HCRTR2: variants seen among roughly 807,000 people sequenced by gnomAD.
HCRTR2 encodes the protein orexin receptor type 2.
Under a neutral mutation model 49.0 loss-of-function variants are expected in HCRTR2, and 22 were observed. That is an observed-to-expected ratio of 0.45 (90% CI 0.32 to 0.64). The LOEUF (loss-of-function observed/expected upper bound fraction) is 0.64. HCRTR2 is among the 30% of genes least tolerant of loss of function. HCRTR2 has a pLI of 0.04. For synonymous variants in HCRTR2, 236 were observed against 205.3 expected (o/e 1.15, Z -1.28); for missense variants, 491 against 559.4 (o/e 0.88, Z 1.23).
intron 1 of HCRTR2, among the ~76,000 whole-genome samples, chr6:55,237,661 T>C (rs1335647534): frequency 6.6e-6 from 1 of 152,228 alleles, no homozygotes; most frequent in Non-Finnish European, 1.5e-5. Context: ...CTCCAGGATA[T>C]TGGCCTTTGA....
intron 1 of HCRTR2, among the ~76,000 whole-genome samples, chr6:55,247,920 C>T (rs1267055600): frequency 6.6e-6 from 1 of 152,060 alleles, no homozygotes; most frequent in Admixed American, 6.6e-5. Context: ...CCAAAGAAGG[C>T]AACCCATGTG....
intron 1 of HCRTR2, among the ~76,000 whole-genome samples, chr6:55,121,699 T>C (rs1764202155): frequency 6.6e-6 from 1 of 152,166 alleles, no homozygotes; most frequent in Admixed American, 6.6e-5. Flanking sequence ...AAAGGCCTTT[T>C]CTGCGTCTAT....
rs576274780 is a variant in HCRTR2, at chr6:55,208,401, A to C, written c.223+33591A>C. Reference sequence around the variant, plus strand: ...CAGCTACTCGGGAGGCTGAGGTGAGAGAATCACTTGAACCTGGGAGGTGGA... The same window carrying C: ...CAGCTACTCGGGAGGCTGAGGTGAGCGAATCACTTGAACCTGGGAGGTGGA... On this transcript the variant is annotated intron_variant, in intron 1 of 6. Transcript: ENST00000370862. Among the ~76,000 whole-genome samples the C allele has an allele frequency of 7.3e-5, 11 of 151,644 alleles. No homozygotes were observed. In the South Asian group the frequency reaches 2.3e-3, roughly 32 times the overall value.
chr6:55,226,711 G>GTTTTTTTTTTTTTTTTTTTTTTT (rs777871106), intron 1 of HCRTR2, among the ~76,000 whole-genome samples: 3 of 74,256 alleles, frequency 4.0e-5, no homozygotes, highest in Admixed American at 2.0e-4. Context: ...AATTCCAGGT[G>GTTTTTTTTTTTTTTTTTTTTTTT]TTTTTTTTTT....
intron 1 of HCRTR2, among the ~76,000 whole-genome samples, chr6:55,128,828 C>G (rs1209452646): frequency 6.6e-6 from 1 of 152,076 alleles, no homozygotes; most frequent in Non-Finnish European, 1.5e-5. Flanking sequence ...ATTTAATATA[C>G]TGTGGCACAC....
At chr6:55,138,505 C>A (rs921971915) in intron 1 of HCRTR2, among the ~76,000 whole-genome samples, 2 of 152,216 alleles carry the variant, frequency 1.3e-5, no homozygotes. Context: ...TATGCGCATG[C>A]TGCTTGCCAC....
At chr6:55,244,764 G>T (rs942295339) in intron 1 of HCRTR2, among the ~76,000 whole-genome samples, 3 of 151,948 alleles carry the variant, frequency 2.0e-5, no homozygotes, top group Non-Finnish European at 2.9e-5. Flanking sequence ...ACAGATACTA[G>T]GTTTTCTTCC....
intron 1 of HCRTR2, among the ~76,000 whole-genome samples, chr6:55,209,675 G>A (rs549170935): frequency 1.4e-4 from 22 of 152,254 alleles, no homozygotes; most frequent in Admixed American, 6.5e-4. Context: ...AAGAAATGAT[G>A]AAGTTCCTTA....
At chr6:55,274,239 GTATA>G (rs61667408) in intron 4 of HCRTR2, among the ~76,000 whole-genome samples, 4 of 119,500 alleles carry the variant, frequency 3.3e-5, no homozygotes, top group Non-Finnish European at 7.0e-5. Context: ...ATCATTTTCA[GTATA>G]TATATATATA....
intron 1 of HCRTR2, among the ~76,000 whole-genome samples, chr6:55,187,627 C>T (rs962263879): frequency 6.8e-6 from 1 of 146,892 alleles, no homozygotes; most frequent in Non-Finnish European, 1.5e-5. Context: ...AAGTGTTTGT[C>T]ATACCTATTT....
chr6:55,279,248 C>A (rs1767140771), intron 5 of HCRTR2, among the ~76,000 whole-genome samples: 1 of 151,500 alleles, frequency 6.6e-6, no homozygotes, highest in Non-Finnish European at 1.5e-5. Flanking sequence ...TTTGTTTTTT[C>A]TTTCTCCCAC....
At chr6:55,129,241 A>G (rs1764322159) in intron 1 of HCRTR2, among the ~76,000 whole-genome samples, 1 of 152,090 alleles carries the variant, frequency 6.6e-6, no homozygotes, top group South Asian at 2.1e-4. Context: ...TCACTCATGG[A>G]TCAAAATGTT....
At chr6:55,145,213 GTTTTCTT>G (rs1764562746) in intron 1 of HCRTR2, among the ~76,000 whole-genome samples, 1 of 152,098 alleles carries the variant, frequency 6.6e-6, no homozygotes, top group Non-Finnish European at 1.5e-5. Context: ...AATGGTCTTA[GTTTTCTT>G]TTCTCAACTG....
intron 4 of HCRTR2, among the ~76,000 whole-genome samples, chr6:55,268,443 A>T (rs1024846465): frequency 2.0e-5 from 3 of 152,182 alleles, no homozygotes; most frequent in African/African-American, 7.2e-5. Context: ...AATTTAAAAA[A>T]ACCCATGATC....
At chr6:55,128,970 A>G (rs547977168) in intron 1 of HCRTR2, among the ~76,000 whole-genome samples, 1 of 152,236 alleles carries the variant, frequency 6.6e-6, no homozygotes. Context: ...TCTGATACAG[A>G]AGACTTCTCA....
intron 1 of HCRTR2, among the ~76,000 whole-genome samples, chr6:55,192,435 A>AC (rs1765335591): frequency 6.6e-6 from 1 of 151,552 alleles, no homozygotes; most frequent in Non-Finnish European, 1.5e-5. Flanking sequence ...ACACACACAC[A>AC]CACAAATTAG....
intron 3 of HCRTR2, among the ~76,000 whole-genome samples, chr6:55,259,222 TA>T (rs11335998): frequency 0.75 from 110,776 of 148,102 alleles, 41,691 homozygotes; most frequent in South Asian, 0.81. Flanking sequence ...TTTGGTAGGC[TA>T]AAAAAAAAAA....
At chr6:55,161,595 T>A (rs1285895699) in intron 1 of HCRTR2, among the ~76,000 whole-genome samples, 3 of 150,562 alleles carry the variant, frequency 2.0e-5, no homozygotes, top group African/African-American at 7.3e-5. Flanking sequence ...GCCAGACTAA[T>A]GAAGAAGAAA....
intron 1 of HCRTR2, among the ~76,000 whole-genome samples, chr6:55,147,235 G>A (rs1293001732): frequency 6.6e-6 from 1 of 151,622 alleles, no homozygotes; most frequent in Non-Finnish European, 1.5e-5. Flanking sequence ...TTCATATTTG[G>A]ATAAAAGTAT....
Sources: gnomAD v4.1 joint callset for allele counts (sites outside exome capture counted in the v4.1 genomes callset) on GRCh38, gnomAD v4.1.1 for gene constraint, MANE v1.5 for transcripts, NCBI Gene and HGNC (gene_info 2026-07-23, HGNC 2026-07-21) for gene names.